L3MBTL1: variants seen among roughly 807,000 people sequenced by gnomAD.
The protein encoded by L3MBTL1 is L3MBTL histone methyl-lysine binding protein 1.
L3MBTL1 carries 75 observed loss-of-function variants against 105.3 expected under a neutral mutation model. The observed-to-expected ratio is 0.71, with a 90% confidence interval of 0.59 to 0.86. L3MBTL1 has a LOEUF of 0.86. Ranked by LOEUF, L3MBTL1 falls within the 40% of genes least tolerant of loss-of-function variation. The pLI, the probability that L3MBTL1 is intolerant of heterozygous loss-of-function variation, is 0.00. For synonymous variants in L3MBTL1, 452 were observed against 436.2 expected (o/e 1.04, Z -0.45); for missense variants, 1,069 against 1,126.4 (o/e 0.95, Z 0.73).
rs1466271669 is a variant in L3MBTL1 at position 43,540,953 on chromosome 20, C to T, written c.2414C>T (p.Thr805Ile). Reference sequence around the variant, plus strand: ...CACCAGGCAAGAATAGTCAGAGTGACCCATGTATCTGGGAAGACTCTAGTC... The same window carrying T: ...CACCAGGCAAGAATAGTCAGAGTGATCCATGTATCTGGGAAGACTCTAGTC... ...FKDEARIVRV[T>I]HVSGKTLVWT... The change falls in exon 22 of 22, where the codon ACC becomes ATC. Residue 805 changes from threonine to isoleucine, a missense_variant. Thr to Ile is a moderately conservative substitution (Grantham distance 89). Coordinates refer to ENST00000418998, the MANE Select transcript of L3MBTL1 (RefSeq NM_001377303.1). 1.2e-6 allele frequency: 2 copies of T among 1,614,128 alleles called. No homozygotes were observed. Among genetic ancestry groups the T allele is most frequent in the Admixed American group, 1.7e-5 (1 of 60,014 alleles).
At chr20:43,519,108 G>A (rs902241281) in intron 7 of L3MBTL1, among the ~76,000 whole-genome samples, 1 of 151,886 alleles carries the variant, frequency 6.6e-6, no homozygotes, top group African/African-American at 2.4e-5. Context: ...AGGCTGAGGT[G>A]GATGGATCAC....
intron 1 of L3MBTL1, among the ~76,000 whole-genome samples, chr20:43,511,940 T>C (rs976597503): frequency 2.0e-5 from 3 of 151,882 alleles, no homozygotes; most frequent in Non-Finnish European, 4.4e-5. Flanking sequence ...TGAGTGGGAA[T>C]GTTGGTCAAG....
intron 9 of L3MBTL1, among the ~76,000 whole-genome samples, chr20:43,529,873 T>C (rs1253060335): frequency 6.6e-6 from 1 of 152,162 alleles, no homozygotes; most frequent in Non-Finnish European, 1.5e-5. Flanking sequence ...CCCTGGGGCA[T>C]GGAACAGACT....
chr20:43,534,077 C>T lies in L3MBTL1; in HGVS notation c.1583C>T (p.Thr528Ile), dbSNP rs1406818592. The T allele has an allele frequency of 1.2e-6, 2 of 1,613,624 alleles. No individual in the cohort carries two copies. The highest frequency in any genetic ancestry group is 1.7e-6 in the Non-Finnish European group (2 of 1,179,656). Residue 528 changes from threonine to isoleucine, a missense_variant, in exon 14 of 22, where the codon ACC (threonine) becomes ATC (isoleucine). Thr to Ile is a moderately conservative substitution (Grantham distance 89). Coordinates refer to ENST00000418998, the MANE Select transcript of L3MBTL1 (RefSeq NM_001377303.1). ...LEETGASAVP[T>I]WAFKVRPPHS... ...GAAACTGGGGCCTCTGCTGTCCCCA[C>T]CTGGGCCTTCAAGGTGGTGAGTCAG...
rs1279034158 is a variant in L3MBTL1, at chr20:43,536,282, G to A, written c.2111G>A (p.Arg704His). 10 of 1,612,438 alleles carry A rather than the reference G, an allele frequency of 6.2e-6. No homozygotes were observed. Among genetic ancestry groups the A allele is most frequent in the South Asian group, 3.3e-5 (3 of 91,008 alleles). Residue 704 changes from arginine (R) to histidine (H), a missense_variant, in exon 18 of 22, where the codon CGC becomes CAC. Transcript: ENST00000418998. ...GGCTTCTCCCCAAGGAAGAAGCCTC[G>A]CCATCACGGCCGGTATGGAGGCCAG... ...LSGFSPRKKP[R>H]HHGRIGRPPK...
At chr20:43,540,428 C>T in intron 20 of L3MBTL1, 120 bp downstream of exon 20, 1 of 1,166,186 alleles carries the variant, frequency 8.6e-7, no homozygotes, top group East Asian at 2.4e-5. Flanking sequence ...ACCTCTTGCT[C>T]ATCTGTCCTG....
At chr20:43,513,305 G>A (rs1327264039) in intron 1 of L3MBTL1, among the ~76,000 whole-genome samples, 171 bp from the exon 2 acceptor site, 1 of 152,200 alleles carries the variant, frequency 6.6e-6, no homozygotes, top group Non-Finnish European at 1.5e-5. Context: ...AGCCAGACCT[G>A]ATGCTGGTCT....
chr20:43,530,551 A>C, intron 10 of L3MBTL1, 132 bp downstream of exon 10: 1 of 1,071,496 alleles, frequency 9.3e-7, no homozygotes, highest in Non-Finnish European at 1.3e-6. Context: ...GCCTCTCTTC[A>C]TCGCATCCTG....
intron 14 of L3MBTL1, 43 bp from the exon 15 acceptor site, chr20:43,534,241 G>A: frequency 6.3e-7 from 1 of 1,592,556 alleles, no homozygotes; most frequent in Non-Finnish European, 8.6e-7. Flanking sequence ...GCTCAGCTCT[G>A]CTGAGCTGCG....
chr20:43,527,929 G>T (rs976361365), intron 7 of L3MBTL1, among the ~76,000 whole-genome samples: 1 of 151,974 alleles, frequency 6.6e-6, no homozygotes, highest in East Asian at 1.9e-4. Context: ...GTCTTGCCCT[G>T]TTGCCCAGGC....
intron 7 of L3MBTL1, chr20:43,523,564 C>A: frequency 4.0e-6 from 1 of 252,180 alleles, no homozygotes; most frequent in South Asian, 6.1e-5. Context: ...GACCAGTATC[C>A]TGCGGCATTG....
At chr20:43,534,115 C>T (rs1281225327) in intron 14 of L3MBTL1, 22 bp downstream of exon 14, 17 of 1,601,226 alleles carry the variant, frequency 1.1e-5, no homozygotes, top group Non-Finnish European at 1.5e-5. Context: ...CTCCCTGACC[C>T]CAGAGCTGAG....
chr20:43,518,851 C>CAAAAA (rs34529936), intron 7 of L3MBTL1, among the ~76,000 whole-genome samples: 3 of 33,302 alleles, frequency 9.0e-5, no homozygotes, highest in Non-Finnish European at 1.4e-4. Context: ...ACTAAAAATA[C>CAAAAA]AAAAAAAAAA....
rs144824191 is a variant in L3MBTL1, at chr20:43,530,406, G to A, written c.1179G>A (p.Leu393=). The A allele has an allele frequency of 7.4e-5, 119 of 1,614,114 alleles. No homozygotes were observed. In the East Asian group the frequency reaches 2.6e-3, roughly 35 times the overall value. Residue 393 remains leucine (L), a synonymous_variant, in exon 10 of 22, where the codon CTG becomes CTA. Transcript: ENST00000418998. Reference sequence around the variant, plus strand: ...GGTTCGAGAAGACGGGCCACAAGCTGCAGCCTCCCAAAGGTAAGGCCTAGC... The same window carrying A: ...GGTTCGAGAAGACGGGCCACAAGCTACAGCCTCCCAAAGGTAAGGCCTAGC... The part of the protein sequence containing the change: ...AGWFEKTGHK[L]QPPKGYKEEE...
At chr20:43,536,365 C>T in intron 18 of L3MBTL1, 44 bp from the exon 19 acceptor site, 1 of 1,613,548 alleles carries the variant, frequency 6.2e-7, no homozygotes. Flanking sequence ...TGGACTGGGC[C>T]AGACACTGAT....
intron 10 of L3MBTL1, 131 bp downstream of exon 10, chr20:43,530,550 C>T (rs2019280257): frequency 1.9e-6 from 2 of 1,075,034 alleles, no homozygotes; most frequent in Non-Finnish European, 2.7e-6. Flanking sequence ...AGCCTCTCTT[C>T]ATCGCATCCT....
chr20:43,511,108 C>T lies in L3MBTL1; in HGVS notation c.-28-2368C>T, dbSNP rs148359824. On this transcript the variant is annotated intron_variant, in intron 1 of 21. Coordinates refer to ENST00000418998, the MANE Select transcript of L3MBTL1 (RefSeq NM_001377303.1). Reference sequence around the variant, plus strand: ...TCTCCCAGGCTGGAGTACAGTGGGACGATCTCGGCTCACTGCAACCTCTAC... The same window carrying T: ...TCTCCCAGGCTGGAGTACAGTGGGATGATCTCGGCTCACTGCAACCTCTAC... Among the ~76,000 whole-genome samples the T allele has an allele frequency of 1.6e-3, 235 of 151,490 alleles. 1 individual carries two copies. Among genetic ancestry groups the T allele is most frequent in the Middle Eastern group, 3.4e-3 (1 of 292 alleles).
At chr20:43,542,142 G>A (rs948152904), downstream of L3MBTL1, among the ~76,000 whole-genome samples, 4 of 152,228 alleles carry the variant, frequency 2.6e-5, no homozygotes, top group Admixed American at 6.5e-5. Context: ...CTTGGAAGGA[G>A]GAGGTTGCAG....
chr20:43,510,406 C>CTTTCT (rs752825009), intron 1 of L3MBTL1, among the ~76,000 whole-genome samples: 7 of 127,566 alleles, frequency 5.5e-5, no homozygotes, highest in Non-Finnish European at 9.7e-5. Flanking sequence ...TTCTTTCTTT[C>CTTTCT]TTTTTTTTTT....
Sources: allele counts gnomAD v4.1 joint callset (sites outside exome capture counted in the v4.1 genomes callset), GRCh38; gene constraint gnomAD v4.1.1; transcripts MANE v1.5; gene names NCBI Gene and HGNC (gene_info 2026-07-23, HGNC 2026-07-21).